The following PLAAT3 variants were observed in gnomAD, a reference collection of about 807,000 sequenced individuals.
The protein encoded by PLAAT3 is phospholipase A and acyltransferase 3.
In PLAAT3, 21 loss-of-function variants were observed where a neutral mutation model predicts 16.7. The ratio of observed to expected loss-of-function variants is 1.26; its 90% confidence interval spans 0.89 to 1.81. The LOEUF is 1.81. Ranked by LOEUF, PLAAT3 falls within the 40% of genes most tolerant of loss-of-function variation. The pLI is 0.00. For synonymous variants in PLAAT3, 76 were observed against 81.7 expected (o/e 0.93, Z 0.38); for missense variants, 219 against 213.7 (o/e 1.02, Z -0.16).
At chr11:63,609,421 T>C (rs1409070387) in intron 2 of PLAAT3, among the ~76,000 whole-genome samples, 1 of 152,246 alleles carries the variant, frequency 6.6e-6, no homozygotes, top group Non-Finnish European at 1.5e-5. Context: ...CTGTACTCTA[T>C]TGCTGTGTGA....
At chr11:63,602,280 T>A (rs1341445686) in intron 2 of PLAAT3, among the ~76,000 whole-genome samples, 1 of 25,506 alleles carries the variant, frequency 3.9e-5, no homozygotes, top group African/African-American at 1.4e-4. Flanking sequence ...ACAGTGAAAC[T>A]GTCTCAAAAA....
intron 3 of PLAAT3, among the ~76,000 whole-genome samples, chr11:63,591,572 C>T (rs149892175): frequency 3.9e-5 from 6 of 152,218 alleles, no homozygotes; most frequent in African/African-American, 1.2e-4. Context: ...CAATGACATC[C>T]GTGTGACAGC....
At chr11:63,604,724 T>C (rs10792420) in intron 2 of PLAAT3, among the ~76,000 whole-genome samples, 39,428 of 151,810 alleles carry the variant, frequency 0.26, 6,303 homozygotes, top group East Asian at 0.59. Context: ...GATGATGCCA[T>C]TGCACTCCAA....
At chr11:63,577,733 C>T (rs920700185) in intron 4 of PLAAT3, among the ~76,000 whole-genome samples, 1 of 152,116 alleles carries the variant, frequency 6.6e-6, no homozygotes, top group Non-Finnish European at 1.5e-5. Context: ...GATCGCTTCT[C>T]GGCCTCTTGG....
chr11:63,590,386 G>A lies in PLAAT3; in HGVS notation c.119-18C>T, dbSNP rs745631013. 3.5e-5 allele frequency: 57 copies of A among 1,611,690 alleles called. No individual in the cohort carries two copies. The highest frequency in any genetic ancestry group is 4.1e-5 in the Non-Finnish European group (48 of 1,179,032). On this transcript the variant is annotated intron_variant, in intron 3 of 4. Coordinates refer to ENST00000415826, the MANE Select transcript of PLAAT3 (RefSeq NM_001128203.2). ...GACCTCACCTGCAGATCCACAAAGA[G>A]GAAACAGAGGGATTGGTCCTGGGAA...
chr11:63,615,222 A>G (rs867371585), upstream of PLAAT3, among the ~76,000 whole-genome samples: 1 of 34,698 alleles, frequency 2.9e-5, no homozygotes, highest in African/African-American at 8.5e-5. Flanking sequence ...ATATATGTGT[A>G]TATATGTGTA....
chr11:63,590,612 G>C (rs1194487184), intron 3 of PLAAT3, among the ~76,000 whole-genome samples: 1 of 152,184 alleles, frequency 6.6e-6, no homozygotes, highest in Non-Finnish European at 1.5e-5. Context: ...TCTTACTCTA[G>C]AGAAGGTGGT....
chr11:63,575,719 A>G (rs1463976819), intron 4 of PLAAT3, among the ~76,000 whole-genome samples: 1 of 152,232 alleles, frequency 6.6e-6, no homozygotes, highest in Non-Finnish European at 1.5e-5. Flanking sequence ...AAAGTAAACT[A>G]AGGCATTTGT....
In PLAAT3 at chr11:63,590,654, C is replaced by T. The variant is rs75516037; in HGVS notation, c.119-286G>A. ...TACCTCATGACACTTAAGTGGCCCC[C>T]TTGGTTATGCAAATATGAGCCAAGA... On this transcript the variant is annotated intron_variant, in intron 3 of 4. Transcript: ENST00000415826. Among the ~76,000 whole-genome samples, 1,126 of 152,302 alleles carry T rather than the reference C, an allele frequency of 7.4e-3. 8 individuals are homozygous for T. The highest frequency in any genetic ancestry group is 0.025 in the African/African-American group (1,057 of 41,572).
chr11:63,615,722 T>A (rs1938857737), upstream of PLAAT3, among the ~76,000 whole-genome samples: 1 of 151,322 alleles, frequency 6.6e-6, no homozygotes, highest in Admixed American at 6.6e-5. Context: ...CAGGCTGGAG[T>A]GCAGTGGCTC....
intron 4 of PLAAT3, among the ~76,000 whole-genome samples, chr11:63,578,837 A>G (rs1393340359): frequency 6.6e-6 from 1 of 151,490 alleles, no homozygotes; most frequent in Non-Finnish European, 1.5e-5. Context: ...CTAAAACACC[A>G]AAAGCAATGG....
intron 4 of PLAAT3, among the ~76,000 whole-genome samples, chr11:63,578,581 A>C (rs1479617188): frequency 6.6e-6 from 1 of 151,402 alleles, no homozygotes; most frequent in Admixed American, 6.7e-5. Context: ...ATCTACAACT[A>C]TCTGATCTTT....
upstream of PLAAT3, among the ~76,000 whole-genome samples, chr11:63,614,660 G>A (rs1055590514): frequency 9.2e-5 from 14 of 152,078 alleles, no homozygotes; most frequent in Non-Finnish European, 1.8e-4. Flanking sequence ...GGGCCATGAT[G>A]GGTTTACTTT....
At chr11:63,602,807 T>G (rs950961734) in intron 2 of PLAAT3, among the ~76,000 whole-genome samples, 9 of 152,078 alleles carry the variant, frequency 5.9e-5, no homozygotes, top group Non-Finnish European at 4.4e-5. Flanking sequence ...ATGCTTACTA[T>G]GATGGCCAGG....
chr11:63,615,334 G>A (rs1440264461), upstream of PLAAT3, among the ~76,000 whole-genome samples: 2 of 12,148 alleles, frequency 1.6e-4, no homozygotes, highest in African/African-American at 1.8e-4. Flanking sequence ...GTGTATATAT[G>A]TGTGTATATA....
In PLAAT3 at chr11:63,614,051, A is replaced by T. The variant is rs1468542647; in HGVS notation, c.-37T>A. ...GTGTGGACCCTCAAGGCCAGGCTCG[A>T]TTTCGCTGCGTAGATGTCTGAGGCA... is the stretch of plus-strand genomic sequence containing the variant. On this transcript the variant is annotated 5_prime_UTR_variant, in exon 2 of 5. Coordinates refer to ENST00000415826, the MANE Select transcript of PLAAT3 (RefSeq NM_001128203.2). 1 of 1,613,444 alleles carries T rather than the reference A, an allele frequency of 6.2e-7. No homozygotes were observed. The highest frequency in any genetic ancestry group is 8.5e-7 in the Non-Finnish European group (1 of 1,179,696).
chr11:63,596,237 C>CAAAA (rs56081443), intron 3 of PLAAT3, among the ~76,000 whole-genome samples: 1 of 40,708 alleles, frequency 2.5e-5, no homozygotes, highest in African/African-American at 9.5e-5. Flanking sequence ...GAGACTCTGT[C>CAAAA]AAAAAAAAAA....
chr11:63,606,578 G>C (rs1005616240), intron 2 of PLAAT3, among the ~76,000 whole-genome samples: 1 of 152,168 alleles, frequency 6.6e-6, no homozygotes, highest in Non-Finnish European at 1.5e-5. Flanking sequence ...GTGGGGGCAC[G>C]GGGTGCAATA....
rs1279409503 is a variant in PLAAT3, at chr11:63,590,371, G to A, written c.119-3C>T. ...TGCACCAGCTCCTGCGACCTCACCTGCAGATCCACAAAGAGGAAACAGAGG... is the reference window on the plus strand; with the variant it reads ...TGCACCAGCTCCTGCGACCTCACCTACAGATCCACAAAGAGGAAACAGAGG... On this transcript the variant is annotated splice_region_variant and splice_polypyrimidine_tract_variant and intron_variant, in intron 3 of 4. Coordinates refer to ENST00000415826, the MANE Select transcript of PLAAT3 (RefSeq NM_001128203.2). The A allele has an allele frequency of 3.7e-6, 6 of 1,613,272 alleles. No homozygotes were observed. In the Admixed American group the frequency reaches 8.3e-5, roughly 22 times the overall value.
Sources: allele counts gnomAD v4.1 joint callset (sites outside exome capture counted in the v4.1 genomes callset), GRCh38; gene constraint gnomAD v4.1.1; transcripts MANE v1.5; gene names NCBI Gene and HGNC (gene_info 2026-07-23, HGNC 2026-07-21).